Variants in DACH1 observed in about 807,000 individuals in gnomAD.
DACH1 encodes dachshund homolog 1.
Under a neutral mutation model 54.2 loss-of-function variants are expected in DACH1, and 12 were observed. The ratio of observed to expected loss-of-function variants is 0.22; its 90% CI spans 0.14 to 0.36. The LOEUF (loss-of-function observed/expected upper bound fraction) is 0.36. DACH1 is among the 10% of genes least tolerant of loss of function. The probability of loss-of-function intolerance (pLI) is 1.00; values close to 1 mark genes in which losing one functional copy is unlikely to be tolerated. For missense variants in DACH1, 805 were observed against 929.8 expected (o/e 0.87, Z 1.75); for synonymous variants, 386 against 366.2 (o/e 1.05, Z -0.62).
At chr13:71,804,655 A>T (rs1445837284) in intron 1 of DACH1, among the ~76,000 whole-genome samples, 1 of 152,098 alleles carries the variant, frequency 6.6e-6, no homozygotes, top group East Asian at 1.9e-4. Context: ...ATTTGCTCAC[A>T]AAGTTCCCAC....
intron 10 of DACH1, among the ~76,000 whole-genome samples, chr13:71,473,350 T>C (rs981532481): frequency 1.3e-5 from 2 of 152,196 alleles, no homozygotes; most frequent in African/African-American, 4.8e-5. Flanking sequence ...TGTTGGTGCA[T>C]AGGTTTACTG....
intron 1 of DACH1, among the ~76,000 whole-genome samples, chr13:71,819,208 G>A (rs1002268607): frequency 1.3e-5 from 2 of 152,186 alleles, no homozygotes; most frequent in African/African-American, 4.8e-5. Flanking sequence ...TGCTCATTAA[G>A]GCAGCAGGAA....
chr13:71,584,927 T>C (rs937702069), intron 3 of DACH1, among the ~76,000 whole-genome samples: 23 of 152,010 alleles, frequency 1.5e-4, no homozygotes, highest in African/African-American at 5.6e-4. Context: ...AATATATATA[T>C]ATATCCAGCA....
intron 6 of DACH1, among the ~76,000 whole-genome samples, chr13:71,510,048 T>A (rs1464751012): frequency 6.6e-6 from 1 of 152,090 alleles, no homozygotes; most frequent in Non-Finnish European, 1.5e-5. Flanking sequence ...CTTGACTTAT[T>A]AGAGGCCCTT....
chr13:71,841,590 G>C (rs1872856439), intron 1 of DACH1, among the ~76,000 whole-genome samples: 1 of 152,124 alleles, frequency 6.6e-6, no homozygotes, highest in Non-Finnish European at 1.5e-5. Context: ...TTTAGTTACA[G>C]CTGCCAGCCT....
chr13:71,605,043 A>G (rs2138501829), intron 3 of DACH1, among the ~76,000 whole-genome samples: 1 of 152,082 alleles, frequency 6.6e-6, no homozygotes, highest in African/African-American at 2.4e-5. Context: ...CAAAATCACT[A>G]TAGATGCAGT....
chr13:71,573,601 G>A (rs1279874670), intron 3 of DACH1: 1 of 479,158 alleles, frequency 2.1e-6, no homozygotes, highest in Non-Finnish European at 3.8e-6. Context: ...AAATTACTTG[G>A]ATATAATATT....
At chr13:71,795,649 T>A (rs1188788932) in intron 1 of DACH1, among the ~76,000 whole-genome samples, 2 of 152,154 alleles carry the variant, frequency 1.3e-5, no homozygotes, top group African/African-American at 4.8e-5. Context: ...TATGTGCTAC[T>A]GAGAAAAAGC....
intron 1 of DACH1, among the ~76,000 whole-genome samples, chr13:71,818,126 A>T (rs1244722607): frequency 6.6e-6 from 1 of 152,004 alleles, no homozygotes; most frequent in African/African-American, 2.4e-5. Flanking sequence ...TTCAAAGTAC[A>T]TTTATGTCTC....
intron 6 of DACH1, among the ~76,000 whole-genome samples, chr13:71,508,633 T>A (rs1880519143): frequency 6.6e-6 from 1 of 151,834 alleles, no homozygotes; most frequent in Non-Finnish European, 1.5e-5. Flanking sequence ...TGGGTAACTT[T>A]TTTTTTTAGT....
chr13:71,807,200 T>C (rs1316690637), intron 1 of DACH1, among the ~76,000 whole-genome samples: 2 of 152,180 alleles, frequency 1.3e-5, no homozygotes, highest in Non-Finnish European at 2.9e-5. Flanking sequence ...CAACTGTCTA[T>C]TAAAATGGTA....
chr13:71,771,935 A>G (rs1362924985), intron 1 of DACH1, among the ~76,000 whole-genome samples: 2 of 151,512 alleles, frequency 1.3e-5, no homozygotes, highest in Admixed American at 6.6e-5. Context: ...CAAGAGAATC[A>G]TCAAACATTG....
At chr13:71,691,841 A>G (rs1038669252) in intron 1 of DACH1, among the ~76,000 whole-genome samples, 2 of 152,316 alleles carry the variant, frequency 1.3e-5, no homozygotes, top group African/African-American at 2.4e-5. Context: ...ATAGAGAATT[A>G]CACTAAACCG....
chr13:71,649,728 C>T (rs188308419), intron 2 of DACH1, among the ~76,000 whole-genome samples: 1 of 152,152 alleles, frequency 6.6e-6, no homozygotes, highest in African/African-American at 2.4e-5. Flanking sequence ...ATTACATTAC[C>T]TATTTTCACT....
intron 1 of DACH1, among the ~76,000 whole-genome samples, chr13:71,753,792 T>A (rs527485439): frequency 6.6e-6 from 1 of 152,292 alleles, no homozygotes; most frequent in South Asian, 2.1e-4. Context: ...AAAACCAAAG[T>A]CACTGTGATC....
At chr13:71,860,183 A>G (rs1300507080) in intron 1 of DACH1, among the ~76,000 whole-genome samples, 3 of 151,240 alleles carry the variant, frequency 2.0e-5, no homozygotes, top group African/African-American at 4.8e-5. Context: ...ATATATTAAT[A>G]TACTACATAT....
intron 2 of DACH1, among the ~76,000 whole-genome samples, chr13:71,668,057 T>C (rs756588811): frequency 1.3e-5 from 2 of 152,088 alleles, no homozygotes; most frequent in Non-Finnish European, 2.9e-5. Flanking sequence ...ACTTTCACAA[T>C]GTTACATTTT....
chr13:71,463,210 T>C (rs1032674020), intron 10 of DACH1, among the ~76,000 whole-genome samples: 42 of 152,012 alleles, frequency 2.8e-4, no homozygotes, highest in Non-Finnish European at 1.5e-4. Flanking sequence ...AAAATCTGTA[T>C]TGGCATTTAT....
intron 1 of DACH1, among the ~76,000 whole-genome samples, chr13:71,737,285 G>A (rs1025336101): frequency 1.3e-5 from 2 of 152,094 alleles, no homozygotes; most frequent in African/African-American, 2.4e-5. Context: ...AGAACTAGGC[G>A]TTGTGCAAAA....
Sources: allele counts gnomAD v4.1 joint callset (sites outside exome capture counted in the v4.1 genomes callset), GRCh38; gene constraint gnomAD v4.1.1; transcripts MANE v1.5; gene names NCBI Gene and HGNC (gene_info 2026-07-23, HGNC 2026-07-21).